The following SLC24A3 variants were observed in gnomAD, a reference collection of about 807,000 sequenced individuals.
SLC24A3 encodes sodium/potassium/calcium exchanger 3.
SLC24A3 carries 28 observed loss-of-function variants against 75.8 expected under a neutral mutation model. That is an observed-to-expected ratio of 0.37 (90% CI 0.27 to 0.51). SLC24A3 has a LOEUF of 0.51. Ranked by LOEUF, SLC24A3 falls within the 20% of genes least tolerant of loss-of-function variation. The pLI, the probability that SLC24A3 is intolerant of heterozygous loss-of-function variation, is 0.94. For synonymous variants in SLC24A3, 372 were observed against 334.1 expected, an observed-to-expected ratio of 1.11 and a Z score of -1.24; for missense variants, 663 against 847.8, an observed-to-expected ratio of 0.78 and a Z score of 2.71.
intron 2 of SLC24A3, among the ~76,000 whole-genome samples, chr20:19,404,232 C>T (rs752070163): frequency 6.6e-6 from 1 of 152,162 alleles, no homozygotes; most frequent in East Asian, 1.9e-4. Flanking sequence ...GGGAATATCT[C>T]GGTTAACAAA....
At chr20:19,259,120 C>T (rs1319078932) in intron 1 of SLC24A3, among the ~76,000 whole-genome samples, 1 of 152,182 alleles carries the variant, frequency 6.6e-6, no homozygotes, top group Non-Finnish European at 1.5e-5. Flanking sequence ...ATGGATCTCC[C>T]AGGAGGACAT....
intron 12 of SLC24A3, among the ~76,000 whole-genome samples, chr20:19,689,298 C>T (rs890429739): frequency 6.6e-6 from 1 of 152,224 alleles, no homozygotes; most frequent in Non-Finnish European, 1.5e-5. Flanking sequence ...AACTTTTTCT[C>T]TCTTTGATAG....
At chr20:19,551,146 G>A (rs113009941) in intron 3 of SLC24A3, among the ~76,000 whole-genome samples, 2,023 of 152,320 alleles carry the variant, frequency 0.013, 13 homozygotes, top group Non-Finnish European at 0.02. Context: ...CATCAAGCCC[G>A]TTCCATCTTT....
intron 2 of SLC24A3, among the ~76,000 whole-genome samples, chr20:19,440,322 G>T (rs1247326718): frequency 3.3e-5 from 5 of 152,334 alleles, no homozygotes; most frequent in Non-Finnish European, 5.9e-5. Flanking sequence ...AGGTAGGAAG[G>T]TTCTATCTGT....
At chr20:19,325,765 C>CATATATATAT (rs1491578632) in intron 2 of SLC24A3, among the ~76,000 whole-genome samples, 26 of 43,050 alleles carry the variant, frequency 6.0e-4, no homozygotes, top group Non-Finnish European at 8.5e-4. Flanking sequence ...TACATACATA[C>CATATATATAT]ATATATATAT....
intron 4 of SLC24A3, among the ~76,000 whole-genome samples, 166 bp downstream of exon 4, chr20:19,580,240 A>C (rs1027251451): frequency 2.6e-5 from 4 of 152,168 alleles, no homozygotes; most frequent in African/African-American, 9.6e-5. Context: ...TATTAGCACA[A>C]AAGTGTCATC....
intron 2 of SLC24A3, among the ~76,000 whole-genome samples, chr20:19,507,476 G>C (rs922059773): frequency 2.0e-5 from 3 of 152,214 alleles, no homozygotes; most frequent in Non-Finnish European, 4.4e-5. Flanking sequence ...ATGTATTGGG[G>C]TTGGGGATTC....
chr20:19,400,054 G>A (rs1986522012), intron 2 of SLC24A3, among the ~76,000 whole-genome samples: 1 of 152,148 alleles, frequency 6.6e-6, no homozygotes, highest in African/African-American at 2.4e-5. Flanking sequence ...ACATAGAACA[G>A]ATAGTTATAA....
chr20:19,543,365 C>A (rs561648627), intron 3 of SLC24A3, among the ~76,000 whole-genome samples: 1 of 152,320 alleles, frequency 6.6e-6, no homozygotes, highest in East Asian at 1.9e-4. Flanking sequence ...TTTGAAACGG[C>A]GTGTCACAGA....
chr20:19,282,129 G>A (rs770355880), intron 2 of SLC24A3, among the ~76,000 whole-genome samples: 5 of 152,138 alleles, frequency 3.3e-5, no homozygotes, highest in Non-Finnish European at 5.9e-5. Context: ...ACAACTACAG[G>A]CTGTTGAGTA....
At chr20:19,468,972 G>A (rs376346480) in intron 2 of SLC24A3, among the ~76,000 whole-genome samples, 6 of 152,314 alleles carry the variant, frequency 3.9e-5, no homozygotes, top group Admixed American at 2.0e-4. Context: ...AGAGTGAATG[G>A]CCTGGACAGA....
intron 2 of SLC24A3, among the ~76,000 whole-genome samples, chr20:19,401,031 G>A (rs1027883397): frequency 3.3e-5 from 5 of 152,006 alleles, no homozygotes; most frequent in Admixed American, 2.6e-4. Context: ...GGCTGTTATC[G>A]AGTGTGTGAG....
intron 2 of SLC24A3, among the ~76,000 whole-genome samples, chr20:19,372,008 G>C (rs1247664058): frequency 1.3e-5 from 2 of 152,138 alleles, no homozygotes; most frequent in Non-Finnish European, 2.9e-5. Flanking sequence ...ACCAGACCCA[G>C]GGCTTCTATA....
intron 6 of SLC24A3, among the ~76,000 whole-genome samples, chr20:19,627,946 C>G (rs995021545): frequency 5.9e-5 from 9 of 151,702 alleles, no homozygotes; most frequent in African/African-American, 2.2e-4. Context: ...TCCTGTAATC[C>G]CAGAACTTTG....
chr20:19,366,911 G>C (rs767556496), intron 2 of SLC24A3, among the ~76,000 whole-genome samples: 4 of 152,100 alleles, frequency 2.6e-5, no homozygotes, highest in Non-Finnish European at 4.4e-5. Context: ...TACACATGGA[G>C]ACAGCATTCT....
chr20:19,461,680 G>A (rs1044236875), intron 2 of SLC24A3, among the ~76,000 whole-genome samples: 31 of 151,616 alleles, frequency 2.0e-4, no homozygotes, highest in East Asian at 3.9e-4. Context: ...TAACAAGTGC[G>A]CACCACCACA....
At chr20:19,709,583 C>T (rs1474475576) in intron 15 of SLC24A3, among the ~76,000 whole-genome samples, 1 of 151,976 alleles carries the variant, frequency 6.6e-6, no homozygotes, top group Non-Finnish European at 1.5e-5. Context: ...GATCATGCCA[C>T]TGCACTCCAG....
chr20:19,277,952 G>A (rs1323573628), intron 1 of SLC24A3, among the ~76,000 whole-genome samples: 1 of 152,196 alleles, frequency 6.6e-6, no homozygotes, highest in East Asian at 1.9e-4. Flanking sequence ...GAGAACAGTG[G>A]AATGGCCACG....
At chr20:19,417,770 T>C in intron 2 of SLC24A3, among the ~76,000 whole-genome samples, 1 of 152,188 alleles carries the variant, frequency 6.6e-6, no homozygotes, top group Non-Finnish European at 1.5e-5. Flanking sequence ...ACTAGAAACA[T>C]TCTGACTCAG....
Sources: allele counts gnomAD v4.1 joint callset (sites outside exome capture counted in the v4.1 genomes callset), GRCh38; gene constraint gnomAD v4.1.1; transcripts MANE v1.5; gene names NCBI Gene and HGNC (gene_info 2026-07-23, HGNC 2026-07-21).